The following ANKFN1 variants were observed in gnomAD, a reference collection of about 807,000 sequenced individuals.
The protein encoded by ANKFN1 is ankyrin repeat and fibronectin type III domain containing 1.
In ANKFN1, 74 loss-of-function variants were observed where a neutral mutation model predicts 108.7. That is an observed-to-expected ratio of 0.68 (90% CI 0.56 to 0.83). The LOEUF (loss-of-function observed/expected upper bound fraction) is 0.83, where lower values mean the gene tolerates loss of function less well. ANKFN1 is among the 40% of genes least tolerant of loss of function. The probability of loss-of-function intolerance (pLI) is 0.00; values close to 1 mark genes in which losing one functional copy is unlikely to be tolerated. For synonymous variants in ANKFN1, 547 were observed against 516.2 expected (o/e 1.06, Z -0.81); for missense variants, 1,505 against 1,382.3 (o/e 1.09, Z -1.41).
At chr17:56,315,622 G>T (rs562133481) in intron 3 of ANKFN1, among the ~76,000 whole-genome samples, 4 of 152,190 alleles carry the variant, frequency 2.6e-5, no homozygotes, top group Non-Finnish European at 5.9e-5. Context: ...CATCCAGTAG[G>T]TTTCACAATG....
At chr17:56,249,197 G>C (rs1175565226) in intron 3 of ANKFN1, among the ~76,000 whole-genome samples, 1 of 152,150 alleles carries the variant, frequency 6.6e-6, no homozygotes, top group Non-Finnish European at 1.5e-5. Flanking sequence ...CACTTTGGGA[G>C]GCCGAGGTGG....
intron 3 of ANKFN1, among the ~76,000 whole-genome samples, chr17:56,233,895 A>C (rs961746355): frequency 6.6e-5 from 10 of 152,114 alleles, no homozygotes; most frequent in African/African-American, 2.4e-4. Flanking sequence ...GAAAAGGTAT[A>C]CCTCACAGGT....
Position 56,468,802 on chromosome 17 carries a change from A to G in ANKFN1, c.1773+2231A>G, listed in dbSNP as rs182817895. On this transcript the variant is annotated intron_variant, in intron 15 of 20. Transcript: ENST00000682825. ...ATTTAATTTTGTGGAATTTGGGTTC[A>G]TAGGGAATTGACAGAGAGTATGTGC... Among the ~76,000 whole-genome samples the G allele has an allele frequency of 9.2e-5, 14 of 152,360 alleles. No homozygotes were observed. In the East Asian group the frequency reaches 1.3e-3, roughly 15 times the overall value.
chr17:56,111,478 T>C (rs967996802), intron 4 of ANKFN1, among the ~76,000 whole-genome samples: 2 of 147,310 alleles, frequency 1.4e-5, no homozygotes, highest in Non-Finnish European at 3.0e-5. Context: ...CATACCTAAA[T>C]GTAATACAAG....
At chr17:56,445,425 G>A (rs2049252980) in intron 10 of ANKFN1, among the ~76,000 whole-genome samples, 3 of 152,232 alleles carry the variant, frequency 2.0e-5, no homozygotes, top group Admixed American at 2.0e-4. Context: ...TCAGGACTGG[G>A]AGGAGTCACT....
At chr17:56,093,366 A>G (rs536815710) in intron 4 of ANKFN1, among the ~76,000 whole-genome samples, 2 of 151,268 alleles carry the variant, frequency 1.3e-5, no homozygotes, top group African/African-American at 4.8e-5. Flanking sequence ...GGGCAAAGTA[A>G]AGTCCCTTCT....
At chr17:56,295,280 G>A (rs537873111) in intron 3 of ANKFN1, among the ~76,000 whole-genome samples, 3 of 152,310 alleles carry the variant, frequency 2.0e-5, no homozygotes, top group Non-Finnish European at 2.9e-5. Flanking sequence ...AATGCAGTAT[G>A]AATTCAAGGA....
intron 8 of ANKFN1, among the ~76,000 whole-genome samples, chr17:56,393,760 C>A (rs1034727467): frequency 6.6e-6 from 1 of 152,114 alleles, no homozygotes; most frequent in Non-Finnish European, 1.5e-5. Context: ...TTCACTCATT[C>A]ATTCACCCAT....
intron 14 of ANKFN1, among the ~76,000 whole-genome samples, chr17:56,458,913 T>C (rs916365561): frequency 1.3e-5 from 2 of 152,170 alleles, no homozygotes; most frequent in Non-Finnish European, 2.9e-5. Flanking sequence ...CACCTACAAT[T>C]ATAGGAATGT....
At chr17:56,391,530 C>T (rs959756890) in intron 8 of ANKFN1, among the ~76,000 whole-genome samples, 2 of 151,476 alleles carry the variant, frequency 1.3e-5, no homozygotes, top group Non-Finnish European at 2.9e-5. Context: ...CAGGTTTAAG[C>T]AATTCTCTGC....
chr17:56,368,174 C>T lies in ANKFN1; in HGVS notation c.602-4472C>T, dbSNP rs1243102733. The T allele has an allele frequency of 5.2e-6, 7 of 1,349,878 alleles. No individual in the cohort carries two copies. In the Middle Eastern group the frequency reaches 6.0e-4, roughly 115 times the overall value. The allele number at this position is 1,349,878 out of a possible 1,614,324, so 83.6% of individuals were successfully genotyped here. On this transcript the variant is annotated intron_variant, in intron 6 of 20. Transcript: ENST00000682825. Reference sequence around the variant, plus strand: ...CCACTGACTGATCCAGAGAATGAACCTTTTGATGAAGATCAGCATACACAA... The same window carrying T: ...CCACTGACTGATCCAGAGAATGAACTTTTTGATGAAGATCAGCATACACAA...
intron 3 of ANKFN1, among the ~76,000 whole-genome samples, chr17:56,268,291 C>T (rs1047194119): frequency 3.3e-5 from 5 of 152,078 alleles, no homozygotes; most frequent in Admixed American, 6.6e-5. Context: ...CAAAGCCATA[C>T]GATGATGTGG....
At chr17:56,177,688 G>T (rs1193270453) in intron 1 of ANKFN1, among the ~76,000 whole-genome samples, 1 of 152,188 alleles carries the variant, frequency 6.6e-6, no homozygotes, top group African/African-American at 2.4e-5. Context: ...GCTGAAGTAC[G>T]TGATGTCTGC....
At position 56,353,914 on chromosome 17, in the gene ANKFN1, T is replaced by C. The variant is rs771359597; in HGVS notation, c.469T>C (p.Tyr157His). Residue 157 changes from tyrosine (Y) to histidine (H), a missense_variant, in exon 6 of 21, where the codon TAC becomes CAC. By Grantham distance (83) the Tyr-to-His change is moderately conservative. Coordinates refer to ENST00000682825, the MANE Select transcript of ANKFN1 (RefSeq NM_001370326.1). ...MDAVQILLYQYTPEELDLNTP... is the reference protein window; with the variant it reads ...MDAVQILLYQHTPEELDLNTP... ...TGCTGTGCAGATCCTCCTGTATCAG[T>C]ACACACCAGAAGAACTTGACCTCAA... The C allele has an allele frequency of 6.2e-7, 1 of 1,613,976 alleles. No individual in the cohort carries two copies. Among genetic ancestry groups the C allele is most frequent in the Non-Finnish European group, 8.5e-7 (1 of 1,179,962 alleles).
At chr17:56,110,114 A>C (rs1202462895) in intron 4 of ANKFN1, among the ~76,000 whole-genome samples, 1 of 152,198 alleles carries the variant, frequency 6.6e-6, no homozygotes, top group Non-Finnish European at 1.5e-5. Context: ...ATTTAACAAC[A>C]ACAGCATCAA....
At position 56,477,519 on chromosome 17, in the gene ANKFN1, A is replaced by G. The variant is rs2145350159; in HGVS notation, c.1805A>G (p.Gln602Arg). ...DILSYHKRSH[Q>R]RLFPGLYLGY... The stretch of plus-strand genomic sequence containing the variant: ...CTATCCTATCACAAAAGGAGTCATC[A>G]GCGTCTCTTTCCTGGATTATATCTG... The change falls in exon 16 of 21, where the codon CAG becomes CGG. Residue 602 changes from glutamine to arginine, a missense_variant. By Grantham distance (43) the Gln-to-Arg change is conservative. Coordinates refer to ENST00000682825, the MANE Select transcript of ANKFN1 (RefSeq NM_001370326.1). 6.2e-7 allele frequency: 1 copy of G among 1,610,250 alleles called. No individual in the cohort carries two copies.
At chr17:56,081,902 T>C (rs1905250135) in intron 4 of ANKFN1, among the ~76,000 whole-genome samples, 1 of 152,208 alleles carries the variant, frequency 6.6e-6, no homozygotes, top group Admixed American at 6.5e-5. Context: ...ATTTGCCTCT[T>C]AGTGGGCGTG....
chr17:56,087,278 C>T lies in ANKFN1; in HGVS notation c.288+40953C>T, dbSNP rs1161592593. Among the ~76,000 whole-genome samples the T allele has an allele frequency of 7.9e-5, 12 of 151,284 alleles. No homozygotes were observed. The East Asian group carries it at 2.3e-3, about 29-fold the overall frequency. On this transcript the variant is annotated intron_variant, in intron 4 of 12. Coordinates refer to the ANKFN1 transcript ENST00000635860. ...CTGGTCACTGACATGACCTGGATTG[C>T]CCCAGAAGGGCACTGTGGGCTACAC...
chr17:56,380,853 G>A (rs1296048739), intron 8 of ANKFN1, among the ~76,000 whole-genome samples: 5 of 152,232 alleles, frequency 3.3e-5, no homozygotes, highest in African/African-American at 9.6e-5. Flanking sequence ...CACCTCTAGG[G>A]GTAGGGCACA....
Sources: gnomAD v4.1 joint callset for allele counts (sites outside exome capture counted in the v4.1 genomes callset) on GRCh38, gnomAD v4.1.1 for gene constraint, MANE v1.5 for transcripts, NCBI Gene and HGNC (gene_info 2026-07-23, HGNC 2026-07-21) for gene names.